DYRK3: variants seen among roughly 807,000 people sequenced by gnomAD.
DYRK3 encodes the protein dual specificity tyrosine phosphorylation regulated kinase 3, also known as dual specificity tyrosine-phosphorylation-regulated kinase 3.
Under a neutral mutation model 40.8 loss-of-function variants are expected in DYRK3, and 30 were observed. The observed-to-expected ratio is 0.74, with a 90% CI of 0.55 to 1.00. DYRK3 has a LOEUF of 1.00. Among genes scored for constraint, DYRK3 ranks in the 50% least tolerant of loss-of-function variants. DYRK3 has a pLI of 0.00. For synonymous variants in DYRK3, 272 were observed against 260.7 expected, an observed-to-expected ratio of 1.04 and a Z score of -0.42; for missense variants, 699 against 731.5, an observed-to-expected ratio of 0.96 and a Z score of 0.51.
rs1174624165 is a variant in DYRK3 at position 206,650,417 on chromosome 1, A to G, written c.*1452A>G. On this transcript the variant is annotated 3_prime_UTR_variant, in exon 3 of 3. Coordinates refer to ENST00000367109, the MANE Select transcript of DYRK3 (RefSeq NM_003582.4). ...CCCTGCCTCTACAAAAAATACAAAA[A>G]TTAGCCAGGCCTAGTGGCACATGCC... 6.6e-6 allele frequency among the ~76,000 whole-genome samples: 1 copy of G among 151,944 alleles called. No individual in the cohort carries two copies. The highest frequency in any genetic ancestry group is 1.5e-5 in the Non-Finnish European group (1 of 67,982).
chr1:206,644,250 G>A (rs1225397061), intron 2 of DYRK3, among the ~76,000 whole-genome samples: 3 of 151,740 alleles, frequency 2.0e-5, no homozygotes, highest in South Asian at 2.1e-4. Flanking sequence ...GGTCAGGCTC[G>A]TCCCCAACTC....
intron 2 of DYRK3, among the ~76,000 whole-genome samples, chr1:206,641,285 C>T (rs1387510790): frequency 6.6e-6 from 1 of 152,142 alleles, no homozygotes; most frequent in African/African-American, 2.4e-5. Context: ...TAAGCCCTTT[C>T]ATCGTCTTCA....
intron 2 of DYRK3, among the ~76,000 whole-genome samples, chr1:206,645,393 A>T (rs1274380163): frequency 6.6e-6 from 1 of 152,116 alleles, no homozygotes; most frequent in Non-Finnish European, 1.5e-5. Context: ...TGAGAAAAAC[A>T]GTTGTTCTTT....
In DYRK3 at chr1:206,635,556, C is replaced by A. The variant is rs201102051; in HGVS notation, c.-148C>A. The A allele has an allele frequency of 9.5e-7, 1 of 1,049,130 alleles. No homozygotes were observed. The highest frequency in any genetic ancestry group is 1.2e-6 in the Non-Finnish European group (1 of 822,082). The allele number at this position is 1,049,130 out of a possible 1,614,324, so 65.0% of individuals were successfully genotyped here. ...TCCCCACTTCCCAGCCGGGGCCAGT[C>A]GGGAGCGAAAGTGCGCTGAGCTGCA... On this transcript the variant is annotated 5_prime_UTR_variant, in exon 1 of 3. Transcript: ENST00000367109.
chr1:206,637,019 AGT>A, intron 1 of DYRK3: 1 of 1,364,024 alleles, frequency 7.3e-7, no homozygotes, highest in Admixed American at 1.7e-5. Flanking sequence ...CGTTTGCTGT[AGT>A]ACTTACTGTA....
chr1:206,642,955 A>G (rs1345358636), intron 2 of DYRK3, among the ~76,000 whole-genome samples: 1 of 151,808 alleles, frequency 6.6e-6, no homozygotes, highest in Non-Finnish European at 1.5e-5. Context: ...AATAATAATA[A>G]AAAAGATAAC....
intron 1 of DYRK3, chr1:206,637,060 A>G: frequency 1.1e-6 from 1 of 909,840 alleles, no homozygotes; most frequent in Non-Finnish European, 1.8e-6. Flanking sequence ...AGATGTAAGT[A>G]GGTAAGTAAG....
chr1:206,650,671 CTT>C lies in DYRK3; in HGVS notation c.*1710_*1711del, dbSNP rs1671608825. On this transcript the variant is annotated 3_prime_UTR_variant, in exon 3 of 3. Coordinates refer to ENST00000367109, the MANE Select transcript of DYRK3 (RefSeq NM_003582.4). ...AAACTCAATGACATTGGAAGAGACT[CTT>C]TTTGTTGGGCAGTGTAGGAACAAGA... is the stretch of plus-strand genomic sequence containing the variant. 6.6e-6 allele frequency among the ~76,000 whole-genome samples: 1 copy of C among 152,176 alleles called. No individual in the cohort carries two copies. The highest frequency in any genetic ancestry group is 2.4e-5 in the African/African-American group (1 of 41,436).
chr1:206,647,784 G>A lies in DYRK3; in HGVS notation c.586G>A (p.Ala196Thr), dbSNP rs35259411. 5.0e-6 allele frequency: 8 copies of A among 1,614,084 alleles called. 1 individual carries two copies. Among genetic ancestry groups the A allele is most frequent in the South Asian group, 3.3e-5 (3 of 91,066 alleles). The change falls in exon 3 of 3, where the codon GCC (alanine) becomes ACC (threonine). Residue 196 changes from alanine (A) to threonine (T), a missense_variant. By Grantham distance (58) the Ala-to-Thr change is moderately conservative (BLOSUM62 0). Transcript: ENST00000367109. Reference sequence around the variant, plus strand: ...TGGAGGGTATGATGATGCAGATGGGGCCTATATTCATGTACCTCGAGACCA... The same window carrying A: ...TGGAGGGTATGATGATGCAGATGGGACCTATATTCATGTACCTCGAGACCA... ...NNGGYDDADGAYIHVPRDHLA... is the reference protein window; with the variant it reads ...NNGGYDDADGTYIHVPRDHLA...
intron 2 of DYRK3, among the ~76,000 whole-genome samples, chr1:206,642,402 C>A (rs1447279467): frequency 6.6e-6 from 1 of 152,020 alleles, no homozygotes; most frequent in Non-Finnish European, 1.5e-5. Context: ...CTAGAAATAC[C>A]ATTTGACCCA....
At chr1:206,638,553 C>T (rs1293917381) in intron 2 of DYRK3, among the ~76,000 whole-genome samples, 2 of 150,938 alleles carry the variant, frequency 1.3e-5, no homozygotes, top group Non-Finnish European at 2.9e-5. Context: ...GGATTACAGG[C>T]GTGAGCCACC....
rs551183249 is a variant in DYRK3, at chr1:206,647,550, G to A, written c.352G>A (p.Gly118Ser). Residue 118 changes from glycine to serine, a missense_variant, in exon 3 of 3, where the codon GGT (glycine) becomes AGT (serine). Transcript: ENST00000367109. ...AAAATGCTCTCCTACTGTTTCTCAG[G>A]GTAAAAGTTCAGATTGCTTGAATAC... ...SEKCSPTVSQGKSSDCLNTVK... is the reference protein window; with the variant it reads ...SEKCSPTVSQSKSSDCLNTVK... The A allele has an allele frequency of 6.2e-7, 1 of 1,614,006 alleles. No individual in the cohort carries two copies. The highest frequency in any genetic ancestry group is 1.1e-5 in the South Asian group (1 of 91,078).
chr1:206,647,657 C>T lies in DYRK3; in HGVS notation c.459C>T (p.His153=). 6.2e-7 allele frequency: 1 copy of T among 1,614,146 alleles called. No homozygotes were observed. The highest frequency in any genetic ancestry group is 8.5e-7 in the Non-Finnish European group (1 of 1,180,026). Reference sequence around the variant, plus strand: ...AAGCCCTGAAGCAATATAAACACCACCTCACTGCCTATGAGAAACTGGAAA... The same window carrying T: ...AAGCCCTGAAGCAATATAAACACCATCTCACTGCCTATGAGAAACTGGAAA... ...PEQALKQYKH[H]LTAYEKLEII... The change falls in exon 3 of 3, where the codon CAC becomes CAT. Residue 153 remains histidine (H), a synonymous_variant. Transcript: ENST00000367109.
Position 206,648,897 on chromosome 1 carries a change from G to A in DYRK3, c.1699G>A (p.Ala567Thr), listed in dbSNP as rs1375637832. The A allele has an allele frequency of 6.2e-7, 1 of 1,614,188 alleles. No homozygotes were observed. Among genetic ancestry groups the A allele is most frequent in the Non-Finnish European group, 8.5e-7 (1 of 1,180,034 alleles). ...PVVGIANKLKANLMSETNGSI... is the reference protein window; with the variant it reads ...PVVGIANKLKTNLMSETNGSI... Reference sequence around the variant, plus strand: ...TGTTGGAATAGCCAATAAGCTTAAAGCTAACTTAATGTCAGAAACCAATGG... The same window carrying A: ...TGTTGGAATAGCCAATAAGCTTAAAACTAACTTAATGTCAGAAACCAATGG... Residue 567 changes from alanine (A) to threonine (T), a missense_variant, in exon 3 of 3, where the codon GCT (alanine) becomes ACT (threonine). Coordinates refer to ENST00000367109, the MANE Select transcript of DYRK3 (RefSeq NM_003582.4).
chr1:206,653,913 G>C lies in DYRK3; in HGVS notation c.*4948G>C, dbSNP rs564123932. ...TACAATTTAGTTTTTGTGACAATCTGTTAAGAAGGGGGCTTATTGCATAAT... is the reference window on the plus strand; with the variant it reads ...TACAATTTAGTTTTTGTGACAATCTCTTAAGAAGGGGGCTTATTGCATAAT... On this transcript the variant is annotated 3_prime_UTR_variant, in exon 3 of 3. Coordinates refer to ENST00000367109, the MANE Select transcript of DYRK3 (RefSeq NM_003582.4). Among the ~76,000 whole-genome samples the C allele has an allele frequency of 3.9e-5, 6 of 152,290 alleles. No individual in the cohort carries two copies. Among genetic ancestry groups the C allele is most frequent in the African/African-American group, 1.2e-4 (5 of 41,552 alleles).
rs1490904621 is a variant in DYRK3, at chr1:206,651,918, T to C, written c.*2953T>C. On this transcript the variant is annotated 3_prime_UTR_variant, in exon 3 of 3. Coordinates refer to ENST00000367109, the MANE Select transcript of DYRK3 (RefSeq NM_003582.4). ...TCAGGTGCTGTCCAAGGCACATGTTTCCTTGGGATGTTTGGACAGAATGAT... is the reference window on the plus strand; with the variant it reads ...TCAGGTGCTGTCCAAGGCACATGTTCCCTTGGGATGTTTGGACAGAATGAT... Among the ~76,000 whole-genome samples, 2 of 152,252 alleles carry C rather than the reference T, an allele frequency of 1.3e-5. No individual in the cohort carries two copies. The highest frequency in any genetic ancestry group is 1.3e-4 in the Admixed American group (2 of 15,290).
chr1:206,645,086 G>C (rs1671411139), intron 2 of DYRK3, among the ~76,000 whole-genome samples: 1 of 152,090 alleles, frequency 6.6e-6, no homozygotes, highest in South Asian at 2.1e-4. Context: ...GGAGCAAGCA[G>C]GACTTTTATA....
chr1:206,652,501 G>A lies in DYRK3; in HGVS notation c.*3536G>A, dbSNP rs1196993963. 6.6e-6 allele frequency among the ~76,000 whole-genome samples: 1 copy of A among 152,162 alleles called. No homozygotes were observed. Among genetic ancestry groups the A allele is most frequent in the Non-Finnish European group, 1.5e-5 (1 of 68,024 alleles). On this transcript the variant is annotated 3_prime_UTR_variant, in exon 3 of 3. Transcript: ENST00000367109. ...TGTATAGACAACTCATTACACTGTA[G>A]ACAGATTTTAGAAAGCTACAGGAAG...
At chr1:206,646,222 C>T (rs1267566474) in intron 2 of DYRK3, among the ~76,000 whole-genome samples, 1 of 152,068 alleles carries the variant, frequency 6.6e-6, no homozygotes, top group Non-Finnish European at 1.5e-5. Flanking sequence ...TACAGTCAAG[C>T]CAATTAAATG....
Sources: gnomAD v4.1 joint callset for allele counts (sites outside exome capture counted in the v4.1 genomes callset) on GRCh38, gnomAD v4.1.1 for gene constraint, MANE v1.5 for transcripts, NCBI Gene and HGNC (gene_info 2026-07-23, HGNC 2026-07-21) for gene names.